Variants in PRRC2B observed in about 807,000 individuals in gnomAD.
PRRC2B encodes proline rich coiled-coil 2B.
PRRC2B carries 68 observed loss-of-function variants against 242.3 expected under a neutral mutation model. That is an observed-to-expected ratio of 0.28 (90% CI 0.23 to 0.34). The LOEUF (loss-of-function observed/expected upper bound fraction) is 0.34, where lower values mean the gene tolerates loss of function less well. Among genes scored for constraint, PRRC2B ranks in the 10% least tolerant of loss-of-function variants. The pLI is 1.00. For synonymous variants in PRRC2B, 1,228 were observed against 1,173.6 expected (o/e 1.05, Z -0.95); for missense variants, 2,835 against 2,954.8 (o/e 0.96, Z 0.94).
At chr9:131,414,124 A>G (rs542979300) in intron 1 of PRRC2B, among the ~76,000 whole-genome samples, 1 of 152,328 alleles carries the variant, frequency 6.6e-6, no homozygotes, top group Admixed American at 6.5e-5. Flanking sequence ...AACAAACTGC[A>G]CATCAGTAGT....
upstream of PRRC2B, among the ~76,000 whole-genome samples, chr9:131,389,796 A>G (rs1413130586): frequency 6.7e-6 from 1 of 149,908 alleles, no homozygotes; most frequent in African/African-American, 2.4e-5. Context: ...TGGGGATCCC[A>G]GCTGGAGAGA....
chr9:131,491,222 T>G (rs1249092785), intron 28 of PRRC2B: 1 of 522,318 alleles, frequency 1.9e-6, no homozygotes, highest in South Asian at 3.3e-5. Flanking sequence ...CAAGAAGACG[T>G]GCCTCTGCCA....
intron 11 of PRRC2B, among the ~76,000 whole-genome samples, chr9:131,463,021 C>T (rs1003677587): frequency 2.6e-5 from 4 of 151,786 alleles, no homozygotes; most frequent in Admixed American, 6.6e-5. Flanking sequence ...CAGGGCTAGG[C>T]GTGAAGGCTA....
intron 2 of PRRC2B, 39 bp from the exon 3 acceptor site, chr9:131,432,577 CT>C: frequency 6.3e-7 from 1 of 1,583,966 alleles, no homozygotes; most frequent in Non-Finnish European, 8.6e-7. Flanking sequence ...CTTCTGTGAC[CT>C]TTTTGCATGG....
intron 6 of PRRC2B, among the ~76,000 whole-genome samples, chr9:131,444,827 A>G (rs1048225613): frequency 6.6e-6 from 1 of 151,940 alleles, no homozygotes; most frequent in Non-Finnish European, 1.5e-5. Flanking sequence ...CTGGCCCCTC[A>G]TCTTAGGTCG....
At chr9:131,425,539 C>T (rs569288597) in intron 1 of PRRC2B, among the ~76,000 whole-genome samples, 37 of 151,780 alleles carry the variant, frequency 2.4e-4, no homozygotes, top group South Asian at 1.9e-3. Flanking sequence ...CCCAGGCTGG[C>T]GTGCAGTGGC....
intron 12 of PRRC2B, 94 bp from the exon 13 acceptor site, chr9:131,467,469 C>T (rs1410917324): frequency 5.3e-6 from 6 of 1,124,028 alleles, no homozygotes; most frequent in Non-Finnish European, 7.5e-6. Flanking sequence ...GTGGAGCGTA[C>T]GGGCCAACAG....
intron 1 of PRRC2B, among the ~76,000 whole-genome samples, chr9:131,396,107 G>T (rs552962822): frequency 6.6e-6 from 1 of 152,304 alleles, no homozygotes; most frequent in African/African-American, 2.4e-5. Context: ...GAATAATTAT[G>T]CCTGCCTTGG....
At chr9:131,465,125 G>T in intron 12 of PRRC2B, 47 bp downstream of exon 12, 1 of 1,539,780 alleles carries the variant, frequency 6.5e-7, no homozygotes, top group Middle Eastern at 1.8e-4. Flanking sequence ...CTGGCCTGTT[G>T]TCCTCGTCTT....
At chr9:131,484,581 C>G in intron 23 of PRRC2B, 105 bp from the exon 24 acceptor site, 1 of 872,068 alleles carries the variant, frequency 1.1e-6, no homozygotes, top group South Asian at 1.8e-5. Flanking sequence ...GTCATAGATA[C>G]ATTTGGACGA....
chr9:131,400,704 A>T (rs1369551604), intron 1 of PRRC2B, among the ~76,000 whole-genome samples: 1 of 152,010 alleles, frequency 6.6e-6, no homozygotes, highest in Non-Finnish European at 1.5e-5. Context: ...GAGCCACGGC[A>T]CCCAGCAAGG....
At chr9:131,434,449 T>C (rs545715966) in intron 3 of PRRC2B, among the ~76,000 whole-genome samples, 1 of 152,346 alleles carries the variant, frequency 6.6e-6, no homozygotes, top group Non-Finnish European at 1.5e-5. Context: ...GACCCCCGTG[T>C]AGTTCTCTGC....
intron 1 of PRRC2B, among the ~76,000 whole-genome samples, chr9:131,397,186 C>T (rs1056358877): frequency 6.6e-6 from 1 of 152,188 alleles, no homozygotes; most frequent in African/African-American, 2.4e-5. Flanking sequence ...AGGAGATAGT[C>T]GCTGCCTCTC....
chr9:131,443,848 G>C (rs1409605832), intron 5 of PRRC2B, among the ~76,000 whole-genome samples: 1 of 152,190 alleles, frequency 6.6e-6, no homozygotes, highest in African/African-American at 2.4e-5. Context: ...TGATTTTATA[G>C]GAGGCTGTGC....
chr9:131,388,924 TC>T (rs1321688537), intron 1 of PRRC2B, among the ~76,000 whole-genome samples: 1 of 139,470 alleles, frequency 7.2e-6, no homozygotes, highest in Non-Finnish European at 1.5e-5. Context: ...CACTGCAACC[TC>T]CCCCTCCCGG....
Position 131,477,901 on chromosome 9 carries a change from G to T in PRRC2B, c.4564G>T (p.Ala1522Ser), listed in dbSNP as rs1159390714. 6.2e-7 allele frequency: 1 copy of T among 1,614,044 alleles called. No individual in the cohort carries two copies. Among genetic ancestry groups the T allele is most frequent in the South Asian group, 1.1e-5 (1 of 91,090 alleles). The change falls in exon 17 of 32, where the codon GCA becomes TCA. Residue 1522 changes from alanine (A) to serine (S), a missense_variant. By Grantham distance (99) the Ala-to-Ser change is moderately conservative. Around this residue, in one of 7 missense-constraint regions of PRRC2B, gnomAD observed 1,536 missense variants for 1,483.1 expected, o/e 1.04. Coordinates refer to ENST00000683519, the MANE Select transcript of PRRC2B (RefSeq NM_013318.4). ...GGAGGCCAAGTTGGCTGCTCCGAGG[G>T]CAGGTGAACAGGGAGAGGCCATGAA... ...EKEAKLAAPR[A>S]GEQGEAMKQF...
At position 131,474,844 on chromosome 9, in the gene PRRC2B, C is replaced by T. The variant is rs17458486; in HGVS notation, c.2715C>T (p.Asn905=). 0.046 allele frequency: 74,721 copies of T among 1,609,784 alleles called. 2,216 individuals are homozygous for T. The highest frequency in any genetic ancestry group is 0.13 in the Admixed American group (7,836 of 59,438). The change falls in exon 16 of 32, where the codon AAC becomes AAT. Residue 905 remains asparagine (N), a synonymous_variant. Transcript: ENST00000683519. ...TAFNISSWDK[N]GSPNKQPSSE... ...TTAACATCTCCTCCTGGGACAAGAA[C>T]GGGAGCCCCAACAAACAGCCATCCT...
intron 19 of PRRC2B, 45 bp from the exon 20 acceptor site, chr9:131,481,681 C>T (rs762672561): frequency 9.8e-6 from 14 of 1,434,320 alleles, no homozygotes; most frequent in East Asian, 2.5e-5. Flanking sequence ...ACTCTCTAGA[C>T]GGGTTGCTCT....
chr9:131,474,842 A>T lies in PRRC2B; in HGVS notation c.2713A>T (p.Asn905Tyr). The change falls in exon 16 of 32, where the codon AAC becomes TAC. Residue 905 changes from asparagine to tyrosine, a missense_variant. Coordinates refer to ENST00000683519, the MANE Select transcript of PRRC2B (RefSeq NM_013318.4). The stretch of plus-strand genomic sequence containing the variant: ...CTTTAACATCTCCTCCTGGGACAAG[A>T]ACGGGAGCCCCAACAAACAGCCATC... ...TAFNISSWDKNGSPNKQPSSE... is the reference protein window; with the variant it reads ...TAFNISSWDKYGSPNKQPSSE... The T allele has an allele frequency of 6.2e-7, 1 of 1,610,656 alleles. No individual in the cohort carries two copies. The highest frequency in any genetic ancestry group is 8.5e-7 in the Non-Finnish European group (1 of 1,178,994).
Sources: allele counts gnomAD v4.1 joint callset (sites outside exome capture counted in the v4.1 genomes callset), GRCh38; gene constraint gnomAD v4.1.1; regional missense constraint gnomAD v4.1.1; transcripts MANE v1.5; gene names NCBI Gene and HGNC (gene_info 2026-07-23, HGNC 2026-07-21).